ADAM18: variants seen among roughly 807,000 people sequenced by gnomAD.
The protein encoded by ADAM18 is disintegrin and metalloproteinase domain-containing protein 18.
In ADAM18, 117 loss-of-function variants were observed where a neutral mutation model predicts 94.4. The ratio of observed to expected loss-of-function variants is 1.24; its 90% CI spans 1.07 to 1.45. The LOEUF (loss-of-function observed/expected upper bound fraction) is 1.45, where lower values mean the gene tolerates loss of function less well. Among genes scored for constraint, ADAM18 ranks in the 40% most tolerant of loss-of-function variants. The pLI is 0.00. For missense variants in ADAM18, 936 were observed against 880.0 expected (o/e 1.06, Z -0.81); for synonymous variants, 327 against 291.6 (o/e 1.12, Z -1.24).
intron 6 of ADAM18, among the ~76,000 whole-genome samples, chr8:39,623,721 C>A (rs534488287): frequency 6.6e-6 from 1 of 152,108 alleles, no homozygotes; most frequent in East Asian, 1.9e-4. Context: ...CTCAGCCTCC[C>A]GAGTAGCTGG....
chr8:39,647,136 G>T (rs148615277), intron 11 of ADAM18, among the ~76,000 whole-genome samples: 4 of 151,384 alleles, frequency 2.6e-5, no homozygotes, highest in Admixed American at 2.0e-4. Context: ...CACCGGCACC[G>T]GTCTCTGAGT....
intron 2 of ADAM18, among the ~76,000 whole-genome samples, chr8:39,594,455 CTTT>C (rs887020963): frequency 6.6e-6 from 1 of 151,636 alleles, no homozygotes; most frequent in African/African-American, 2.4e-5. Flanking sequence ...TTTATTTTTC[CTTT>C]TTTGTTTAGA....
chr8:39,639,752 A>G (rs572960634), intron 10 of ADAM18, among the ~76,000 whole-genome samples: 2 of 152,060 alleles, frequency 1.3e-5, no homozygotes, highest in Admixed American at 6.6e-5. Context: ...TAATAAAATC[A>G]TACATTGTTT....
chr8:39,648,551 G>T (rs368877868), intron 12 of ADAM18, 24 bp downstream of exon 12: 2 of 1,571,524 alleles, frequency 1.3e-6, no homozygotes, highest in African/African-American at 1.4e-5. Flanking sequence ...ATTGAAACTC[G>T]AGCACAATTT....
At chr8:39,702,002 C>T (rs1201087313) in intron 17 of ADAM18, among the ~76,000 whole-genome samples, 1 of 152,028 alleles carries the variant, frequency 6.6e-6, no homozygotes, top group African/African-American at 2.4e-5. Flanking sequence ...GGGTATATAC[C>T]CAGAAATAGG....
chr8:39,637,037 A>G lies in ADAM18; in HGVS notation c.589-227A>G, dbSNP rs1284671449. ...GTGTATTTTATATATATATATATAT[A>G]TATATATATATATATATATATATAT... On this transcript the variant is annotated intron_variant, in intron 7 of 19. Coordinates refer to ENST00000265707, the MANE Select transcript of ADAM18 (RefSeq NM_014237.3). 2.1e-5 allele frequency among the ~76,000 whole-genome samples: 3 copies of G among 140,818 alleles called. 1 individual carries two copies. The highest frequency in any genetic ancestry group is 2.1e-4 in the East Asian group (1 of 4,652). 92.4% of individuals were successfully genotyped at this position (140,818 alleles called of 152,430 possible). A position where few individuals can be genotyped will look rare whatever the true frequency, so the allele number is the denominator to read the frequency against.
intron 14 of ADAM18, among the ~76,000 whole-genome samples, chr8:39,674,271 G>A (rs919900493): frequency 1.3e-5 from 2 of 152,034 alleles, no homozygotes; most frequent in Non-Finnish European, 2.9e-5. Flanking sequence ...TCTCTTTGTA[G>A]GTCTCTAAGG....
intron 18 of ADAM18, among the ~76,000 whole-genome samples, chr8:39,718,398 A>C (rs966488848): frequency 7.3e-5 from 11 of 151,632 alleles, no homozygotes; most frequent in Non-Finnish European, 1.0e-4. Flanking sequence ...AAAATTCTGC[A>C]ATATGCAGTG....
At chr8:39,633,838 A>G (rs1358693975) in intron 7 of ADAM18, among the ~76,000 whole-genome samples, 2 of 151,710 alleles carry the variant, frequency 1.3e-5, no homozygotes, top group Non-Finnish European at 2.9e-5. Context: ...TGTAAAAAAA[A>G]AAAAAGGTGG....
At chr8:39,726,023 C>T (rs1822895940) in intron 19 of ADAM18, among the ~76,000 whole-genome samples, 1 of 152,000 alleles carries the variant, frequency 6.6e-6, no homozygotes, top group Admixed American at 6.6e-5. Flanking sequence ...GCTCTCTTTT[C>T]CCTTTTTTCA....
chr8:39,722,627 C>G (rs538407228), intron 18 of ADAM18, among the ~76,000 whole-genome samples: 4 of 151,472 alleles, frequency 2.6e-5, no homozygotes, highest in African/African-American at 9.7e-5. Flanking sequence ...TTCACCACTG[C>G]ACAATATATC....
At chr8:39,667,127 C>A (rs550816592) in intron 13 of ADAM18, among the ~76,000 whole-genome samples, 3 of 151,822 alleles carry the variant, frequency 2.0e-5, no homozygotes, top group Non-Finnish European at 4.4e-5. Context: ...CAAGACTTGG[C>A]GCGGTGGCTC....
chr8:39,681,591 A>C (rs1338090992), intron 16 of ADAM18, among the ~76,000 whole-genome samples: 2 of 152,220 alleles, frequency 1.3e-5, no homozygotes, highest in Non-Finnish European at 2.9e-5. Flanking sequence ...GCTGTAACAA[A>C]TACCTTAAAA....
intron 17 of ADAM18, among the ~76,000 whole-genome samples, chr8:39,702,012 G>T (rs1822094297): frequency 6.6e-6 from 1 of 152,162 alleles, no homozygotes; most frequent in Non-Finnish European, 1.5e-5. Context: ...CCAGAAATAG[G>T]ATTGCTGGGT....
At chr8:39,647,215 A>T (rs1820406749) in intron 11 of ADAM18, among the ~76,000 whole-genome samples, 1 of 143,646 alleles carries the variant, frequency 7.0e-6, no homozygotes, top group African/African-American at 2.6e-5. Flanking sequence ...GAGCAGAGTG[A>T]TAATAAGGAG....
chr8:39,676,177 C>T (rs961997775), intron 14 of ADAM18, among the ~76,000 whole-genome samples: 5 of 152,230 alleles, frequency 3.3e-5, no homozygotes, highest in African/African-American at 1.2e-4. Context: ...CTGCTCTCTT[C>T]AGAGCTGTCA....
At chr8:39,638,395 G>T in intron 9 of ADAM18, 70 bp from the exon 10 acceptor site, 2 of 1,056,974 alleles carry the variant, frequency 1.9e-6, no homozygotes, top group Non-Finnish European at 2.7e-6. Flanking sequence ...TGTGAAGAAG[G>T]TTTAATTTAA....
chr8:39,668,110 GC>G lies in ADAM18; in HGVS notation c.1441del (p.Arg481ValfsTer71). 1 of 1,614,100 alleles carries G rather than the reference GC, an allele frequency of 6.2e-7. No homozygotes were observed. The highest frequency in any genetic ancestry group is 2.2e-5 in the East Asian group (1 of 44,878). On this transcript the variant is annotated frameshift_variant, in exon 14 of 20. Coordinates refer to ENST00000265707, the MANE Select transcript of ADAM18 (RefSeq NM_014237.3). LOFTEE classifies it high-confidence loss of function. ...GTTCCTGACACTTATGCATTGAATG[GC>G]CGTTTGTGCAAGTTGGGAACTGCCT... is the stretch of plus-strand genomic sequence containing the variant. ...NCVPDTYALN[G>X]RLCKLGTAYC... is the part of the protein sequence containing the mutation.
intron 6 of ADAM18, among the ~76,000 whole-genome samples, chr8:39,625,350 G>A (rs2129578914): frequency 6.6e-6 from 1 of 152,230 alleles, no homozygotes; most frequent in Middle Eastern, 3.4e-3. Flanking sequence ...CATTGTTGGT[G>A]TATAGCCATG....
Sources: allele counts gnomAD v4.1 joint callset (sites outside exome capture counted in the v4.1 genomes callset), GRCh38; gene constraint gnomAD v4.1.1; transcripts MANE v1.5; gene names NCBI Gene and HGNC (gene_info 2026-07-23, HGNC 2026-07-21).